The following ANKRD18B variants were observed in gnomAD, a reference collection of about 807,000 sequenced individuals.
ANKRD18B encodes ankyrin repeat domain 18B, also known as ankyrin repeat domain-containing protein 18B.
A neutral mutation model predicts 111.8 loss-of-function variants in ANKRD18B; 75 were observed. The ratio of observed to expected loss-of-function variants is 0.67; its 90% CI spans 0.56 to 0.81. The LOEUF (loss-of-function observed/expected upper bound fraction) is 0.81, where lower values mean the gene tolerates loss of function less well. ANKRD18B is among the 40% of genes least tolerant of loss of function. The pLI is 0.00. For synonymous variants in ANKRD18B, 356 were observed against 417.3 expected (o/e 0.85, Z 1.79); for missense variants, 1,038 against 1,225.5 (o/e 0.85, Z 2.28).
At chr9:33,546,040 A>G (rs1024913915) in intron 10 of ANKRD18B, among the ~76,000 whole-genome samples, 1 of 152,220 alleles carries the variant, frequency 6.6e-6, no homozygotes, top group Non-Finnish European at 1.5e-5. Context: ...TTAGCCATAT[A>G]CCATGTGACC....
At chr9:33,564,010 A>G (rs957421221) in intron 14 of ANKRD18B, among the ~76,000 whole-genome samples, 8 of 152,300 alleles carry the variant, frequency 5.3e-5, no homozygotes, top group African/African-American at 1.9e-4. Flanking sequence ...AGAGTCATCC[A>G]GGCTAGAGAC....
In ANKRD18B at chr9:33,524,541, T is replaced by A. The variant is rs1245119200; in HGVS notation, c.52T>A (p.Ser18Thr). Residue 18 changes from serine to threonine, a missense_variant, in exon 1 of 19, where the codon TCC (serine) becomes ACC (threonine). This residue lies in a region of ANKRD18B where 216 missense variants were observed against 205.1 expected (regional missense o/e 1.05). Coordinates refer to ENST00000684830, the MANE Select transcript of ANKRD18B (RefSeq NM_001393611.1). ...ACGCCTGGGCCAGGCGCTCCTGAGC[T>A]CCATGGACCAAGAGTATGCGGGTCG... ...GRRLGQALLS[S>T]MDQEYAGRGY... 2 of 1,551,010 alleles carry A rather than the reference T, an allele frequency of 1.3e-6. No homozygotes were observed. Among genetic ancestry groups the A allele is most frequent in the East Asian group, 4.9e-5 (2 of 40,892 alleles).
At chr9:33,541,949 A>T (rs550186702) in intron 9 of ANKRD18B, among the ~76,000 whole-genome samples, 3 of 152,252 alleles carry the variant, frequency 2.0e-5, no homozygotes, top group Admixed American at 6.5e-5. Context: ...TCTCATGTAG[A>T]CAAAAACATA....
chr9:33,528,701 C>T (rs1326771672), intron 1 of ANKRD18B, 26 bp from the exon 2 acceptor site: 2 of 1,544,654 alleles, frequency 1.3e-6, no homozygotes, highest in East Asian at 2.3e-5. Context: ...CACTACATTT[C>T]CTGAAAACCC....
intron 6 of ANKRD18B, among the ~76,000 whole-genome samples, 178 bp downstream of exon 6, chr9:33,537,123 C>A (rs1677705933): frequency 6.6e-6 from 1 of 151,978 alleles, no homozygotes; most frequent in Non-Finnish European, 1.5e-5. Context: ...ATGGTGAAAC[C>A]CCATGTCTAC....
In ANKRD18B at chr9:33,545,089, C is replaced by T. The variant is rs191469457; in HGVS notation, c.1149+1834C>T. 5.4e-3 allele frequency among the ~76,000 whole-genome samples: 826 copies of T among 152,252 alleles called. 9 individuals are homozygous for T. The highest frequency in any genetic ancestry group is 0.019 in the African/African-American group (777 of 41,546). On this transcript the variant is annotated intron_variant, in intron 10 of 18. Transcript: ENST00000684830. ...GGAGCCCATCTCACTCAGGTCTTAT[C>T]GTTGCATTTATACTCTGGGTCCCTC...
intron 10 of ANKRD18B, among the ~76,000 whole-genome samples, chr9:33,543,771 G>C (rs1828317517): frequency 6.6e-6 from 1 of 152,194 alleles, no homozygotes; most frequent in Admixed American, 6.5e-5. Flanking sequence ...CAGTCCAACT[G>C]CCTATTGAGA....
rs1189941059 is a variant in ANKRD18B at position 33,541,130 on chromosome 9, G to GT, written c.998-14dup. 3.2e-6 allele frequency: 5 copies of GT among 1,539,330 alleles called. No homozygotes were observed. In the African/African-American group the frequency reaches 7.0e-5, roughly 21 times the overall value. ...GTTTTCCAGAAGGAATATCTAACAA[G>GT]TTTGCGTGTTTGACAGAAACAGCAG... On this transcript the variant is annotated splice_polypyrimidine_tract_variant and intron_variant, in intron 8 of 18. Transcript: ENST00000684830.
rs946584144 is a variant in ANKRD18B, at chr9:33,524,678, C to T, written c.189C>T (p.Val63=). 6.5e-7 allele frequency: 1 copy of T among 1,550,248 alleles called. No homozygotes were observed. Among genetic ancestry groups the T allele is most frequent in the African/African-American group, 1.4e-5 (1 of 72,998 alleles). The change falls in exon 1 of 19, where the codon GTC becomes GTT. Residue 63 remains valine (V), a synonymous_variant. Coordinates refer to ENST00000684830, the MANE Select transcript of ANKRD18B (RefSeq NM_001393611.1). The part of the protein sequence containing the change: ...CLTRRFRDLD[V]RDRKDRTVLH... ...CGCGCAGGTTCCGGGACTTGGACGT[C>T]CGCGACAGAAAAGACAGGTAGCGGG...
At chr9:33,537,302 A>C (rs1303068669) in intron 6 of ANKRD18B, among the ~76,000 whole-genome samples, 1 of 152,170 alleles carries the variant, frequency 6.6e-6, no homozygotes, top group African/African-American at 2.4e-5. Flanking sequence ...ATCTCCAAAG[A>C]AAACAAAAAG....
chr9:33,559,797 T>C (rs977881029), intron 14 of ANKRD18B, among the ~76,000 whole-genome samples: 4 of 152,150 alleles, frequency 2.6e-5, no homozygotes, highest in Admixed American at 6.6e-5. Context: ...GTGTAACAGG[T>C]TTATTGAGAA....
intron 5 of ANKRD18B, among the ~76,000 whole-genome samples, chr9:33,535,774 AT>A (rs2118005231): frequency 7.3e-6 from 1 of 136,126 alleles, no homozygotes; most frequent in East Asian, 2.2e-4. Context: ...TTATATTATC[AT>A]TATAAATATT....
chr9:33,565,365 C>T (rs1367131170), intron 14 of ANKRD18B, among the ~76,000 whole-genome samples: 1 of 152,164 alleles, frequency 6.6e-6, no homozygotes, highest in Non-Finnish European at 1.5e-5. Flanking sequence ...ATGGCCTTTA[C>T]CCCAAGAATC....
chr9:33,561,792 G>C (rs1828612411), intron 14 of ANKRD18B, among the ~76,000 whole-genome samples: 1 of 151,606 alleles, frequency 6.6e-6, no homozygotes, highest in Non-Finnish European at 1.5e-5. Context: ...CTGTTTTTTT[G>C]TTAACCTTGT....
chr9:33,541,354 G>A (rs1045590634), intron 9 of ANKRD18B, 127 bp downstream of exon 9: 1 of 1,315,544 alleles, frequency 7.6e-7, no homozygotes, highest in Middle Eastern at 1.9e-4. Context: ...CTATTACAAG[G>A]TTTTCACCCA....
intron 18 of ANKRD18B, 55 bp from the exon 19 acceptor site, chr9:33,572,260 CT>C: frequency 7.3e-7 from 1 of 1,378,544 alleles, no homozygotes. Flanking sequence ...TAAACTTACA[CT>C]TCGTTAACTG....
chr9:33,541,547 C>T (rs1209062833), intron 9 of ANKRD18B, among the ~76,000 whole-genome samples: 7 of 152,116 alleles, frequency 4.6e-5, no homozygotes, highest in Non-Finnish European at 1.0e-4. Flanking sequence ...TTTGCAAAAA[C>T]TGTAACTTGG....
Position 33,550,506 on chromosome 9 carries a change from G to C in ANKRD18B, c.2144G>C (p.Gly715Ala), listed in dbSNP as rs1563904660. 1.3e-5 allele frequency: 20 copies of C among 1,547,860 alleles called. No individual in the cohort carries two copies. Among genetic ancestry groups the C allele is most frequent in the Non-Finnish European group, 1.7e-5 (20 of 1,145,404 alleles). ...TCAATGTCAGAGTCTCCACTGGAAG[G>C]TACATCACATTGTCATATTAATTTG... ...KFSMSESPLEGTSHCHINLDE... is the reference protein window; with the variant it reads ...KFSMSESPLEATSHCHINLDE... The change falls in exon 12 of 19, where the codon GGT becomes GCT. Residue 715 changes from glycine to alanine, a missense_variant. By Grantham distance (60) the Gly-to-Ala change is moderately conservative. This residue lies in a region of ANKRD18B where 524 missense variants were observed against 677.9 expected (regional missense o/e 0.77). Coordinates refer to ENST00000684830, the MANE Select transcript of ANKRD18B (RefSeq NM_001393611.1).
downstream of ANKRD18B, among the ~76,000 whole-genome samples, chr9:33,575,035 T>C (rs532822398): frequency 1.4e-3 from 211 of 152,300 alleles, 1 homozygote; most frequent in African/African-American, 4.8e-3. Flanking sequence ...ACCTGCTCTC[T>C]TCTCTTCCTC....
Sources: gnomAD v4.1 joint callset for allele counts (sites outside exome capture counted in the v4.1 genomes callset) on GRCh38, gnomAD v4.1.1 for gene constraint, gnomAD v4.1.1 regional missense constraint, MANE v1.5 for transcripts, NCBI Gene and HGNC (gene_info 2026-07-23, HGNC 2026-07-21) for gene names.